GUCY1A2: variants seen among roughly 807,000 people sequenced by gnomAD.
GUCY1A2 encodes guanylate cyclase soluble subunit alpha-2.
In GUCY1A2, 27 loss-of-function variants were observed where a neutral mutation model predicts 63.5. The ratio of observed to expected loss-of-function variants is 0.43; its 90% CI spans 0.31 to 0.59. The LOEUF is 0.59. Among genes scored for constraint, GUCY1A2 ranks in the 20% least tolerant of loss-of-function variants. The probability of loss-of-function intolerance (pLI) is 0.11; values close to 1 mark genes in which losing one functional copy is unlikely to be tolerated. For synonymous variants in GUCY1A2, 364 were observed against 343.5 expected (o/e 1.06, Z -0.66); for missense variants, 768 against 913.3 (o/e 0.84, Z 2.05).
chr11:106,793,864 T>C (rs943608977), intron 5 of GUCY1A2, among the ~76,000 whole-genome samples: 1 of 152,080 alleles, frequency 6.6e-6, no homozygotes, highest in Admixed American at 6.6e-5. Flanking sequence ...TGCCAGTTAG[T>C]GTATGGAGAA....
At chr11:106,949,451 G>T (rs1258877935) in intron 3 of GUCY1A2, among the ~76,000 whole-genome samples, 1 of 150,442 alleles carries the variant, frequency 6.6e-6, no homozygotes, top group Admixed American at 6.8e-5. Context: ...GTTTTATTTT[G>T]TTTTTTAACT....
chr11:106,841,253 CCTA>C (rs1417176153), intron 4 of GUCY1A2, among the ~76,000 whole-genome samples: 2 of 151,870 alleles, frequency 1.3e-5, no homozygotes, highest in African/African-American at 4.8e-5. Flanking sequence ...TGAATAACTT[CCTA>C]CTTATACTTC....
intron 1 of GUCY1A2, among the ~76,000 whole-genome samples, chr11:107,002,858 GTAA>G (rs985130370): frequency 6.6e-6 from 1 of 152,162 alleles, no homozygotes; most frequent in African/African-American, 2.4e-5. Flanking sequence ...AGACAAGAAT[GTAA>G]TAATAAATTA....
intron 1 of GUCY1A2, among the ~76,000 whole-genome samples, chr11:106,990,629 G>A (rs547050720): frequency 6.6e-6 from 1 of 152,370 alleles, no homozygotes; most frequent in South Asian, 2.1e-4. Flanking sequence ...AAACACAGTT[G>A]TCATCGCACA....
intron 3 of GUCY1A2, among the ~76,000 whole-genome samples, chr11:106,971,646 CAT>C (rs1207422176): frequency 2.0e-5 from 3 of 152,024 alleles, no homozygotes; most frequent in Non-Finnish European, 4.4e-5. Flanking sequence ...AGTATTAACT[CAT>C]ATTTAGCATA....
Position 106,687,221 on chromosome 11 carries a change from C to T in GUCY1A2, c.*328G>A, listed in dbSNP as rs868272742. 1.1e-5 allele frequency: 3 copies of T among 281,330 alleles called. No individual in the cohort carries two copies. The Admixed American group carries it at 1.4e-4, about 13-fold the overall frequency. The allele number at this position is 281,330 out of a possible 1,614,324, so 17.4% of individuals were successfully genotyped here. ...TGGTACAAATATATAGGGAAAGATA[C>T]TTGTATGTGTGATAAACAAGAAAAC... On this transcript the variant is annotated 3_prime_UTR_variant, in exon 8 of 8. Coordinates refer to ENST00000526355, the MANE Select transcript of GUCY1A2 (RefSeq NM_000855.3).
intron 3 of GUCY1A2, among the ~76,000 whole-genome samples, chr11:106,944,215 C>CAAAAAAAAAAAAAAAAAAAAA (rs71041701): frequency 0.011 from 227 of 21,538 alleles, 32 homozygotes; most frequent in East Asian, 0.027. Context: ...ACCCTGTCTC[C>CAAAAAAAAAAAAAAAAAAAAA]AAAAAAAAAA....
chr11:106,843,405 T>C (rs1035126145), intron 4 of GUCY1A2, among the ~76,000 whole-genome samples: 2 of 151,420 alleles, frequency 1.3e-5, no homozygotes, highest in Non-Finnish European at 3.0e-5. Context: ...CAAAATCCTA[T>C]TGAAATAAAA....
At chr11:106,696,489 T>G (rs2135339909) in intron 7 of GUCY1A2, among the ~76,000 whole-genome samples, 1 of 152,316 alleles carries the variant, frequency 6.6e-6, no homozygotes, top group South Asian at 2.1e-4. Context: ...ATATGCACAA[T>G]TATTTTTAAA....
At chr11:106,754,182 T>C (rs906560352) in intron 6 of GUCY1A2, among the ~76,000 whole-genome samples, 3 of 152,200 alleles carry the variant, frequency 2.0e-5, no homozygotes, top group African/African-American at 7.2e-5. Context: ...ATAGGAATGC[T>C]TGTGATTTTT....
Position 107,017,885 on chromosome 11 carries a change from G to GGCGGCAGCGGCA in GUCY1A2, c.159_170dup (p.Ala55_Ala58dup). ...AAGCAGCCGGGGTCGGGGCCGGGGCGGCGGCAGCGGCAGCTGCGGCCGGGC... is the reference window on the plus strand; with the variant it reads ...AAGCAGCCGGGGTCGGGGCCGGGGCGGCGGCAGCGGCAGCGGCAGCGGCAGCTGCGGCCGGGC... On this transcript the variant is annotated inframe_insertion, in exon 1 of 8. Transcript: ENST00000526355. The GGCGGCAGCGGCA allele has an allele frequency of 8.0e-7, 1 of 1,244,740 alleles. No homozygotes were observed. The highest frequency in any genetic ancestry group is 1.0e-6 in the Non-Finnish European group (1 of 991,314). The allele number at this position is 1,244,740 out of a possible 1,614,324, so 77.1% of individuals were successfully genotyped here.
intron 3 of GUCY1A2, among the ~76,000 whole-genome samples, chr11:106,948,188 G>A (rs1460619570): frequency 2.6e-5 from 4 of 151,974 alleles, no homozygotes; most frequent in African/African-American, 4.8e-5. Flanking sequence ...TCCGGCCATA[G>A]AAAAAAATTA....
At chr11:106,982,409 TGAGTTA>T (rs1170122107) in intron 2 of GUCY1A2, among the ~76,000 whole-genome samples, 4 of 152,012 alleles carry the variant, frequency 2.6e-5, no homozygotes, top group Non-Finnish European at 5.9e-5. Flanking sequence ...CCTAGAAGTT[TGAGTTA>T]AAGAGCAACT....
chr11:106,922,572 A>ATATGTATTATCTTATTTGACTCCCGTTGC (rs1860460094), intron 4 of GUCY1A2, among the ~76,000 whole-genome samples: 1 of 149,150 alleles, frequency 6.7e-6, no homozygotes, highest in Non-Finnish European at 1.5e-5. Context: ...ATATGTTTTT[A>ATATGTATTATCTTATTTGACTCCCGTTGC]AAAAATCTAT....
At chr11:106,793,676 T>C (rs1410703774) in intron 5 of GUCY1A2, among the ~76,000 whole-genome samples, 1 of 151,964 alleles carries the variant, frequency 6.6e-6, no homozygotes, top group Non-Finnish European at 1.5e-5. Flanking sequence ...AACAGCCCAA[T>C]TTAAAAATGA....
chr11:106,683,473 GC>G lies in GUCY1A2; in HGVS notation c.*4075del. 4.4e-6 allele frequency: 1 copy of G among 227,274 alleles called. No individual in the cohort carries two copies. 14.1% of individuals were successfully genotyped at this position (227,274 alleles called of 1,614,324 possible). On this transcript the variant is annotated 3_prime_UTR_variant, in exon 8 of 8. Transcript: ENST00000526355. Reference sequence around the variant, plus strand: ...GGGTGAAGCTGCAGATATAATCAATGCCCCGGCACATCCAGTTCATTACTAC... The same window carrying G: ...GGGTGAAGCTGCAGATATAATCAATGCCCGGCACATCCAGTTCATTACTAC...
chr11:106,894,760 A>G (rs570918200), intron 4 of GUCY1A2, among the ~76,000 whole-genome samples: 48 of 152,296 alleles, frequency 3.2e-4, no homozygotes, highest in Non-Finnish European at 5.3e-4. Context: ...TGATTCAGTG[A>G]AAGAGTGCAA....
intron 4 of GUCY1A2, chr11:106,823,918 G>C (rs545642351): frequency 5.3e-6 from 2 of 376,296 alleles, no homozygotes; most frequent in East Asian, 9.1e-5. Context: ...TTCTTTAAAG[G>C]CTTTATTTGC....
chr11:106,709,916 TAACA>T, intron 6 of GUCY1A2, among the ~76,000 whole-genome samples: 2 of 24,096 alleles, frequency 8.3e-5, no homozygotes, highest in Non-Finnish European at 2.7e-4. Context: ...TAGTTATATA[TAACA>T]TATAGTTATA....
Sources: allele counts gnomAD v4.1 joint callset (sites outside exome capture counted in the v4.1 genomes callset), GRCh38; gene constraint gnomAD v4.1.1; transcripts MANE v1.5; gene names NCBI Gene and HGNC (gene_info 2026-07-23, HGNC 2026-07-21).